SPATA2: variants seen among roughly 807,000 people sequenced by gnomAD.
The protein encoded by SPATA2 is spermatogenesis associated 2, also known as spermatogenesis-associated protein 2.
Under a neutral mutation model 35.4 loss-of-function variants are expected in SPATA2, and 8 were observed. The ratio of observed to expected loss-of-function variants is 0.23; its 90% CI spans 0.13 to 0.41. The LOEUF (loss-of-function observed/expected upper bound fraction) is 0.41, where lower values mean the gene tolerates loss of function less well. SPATA2 is among the 10% of genes least tolerant of loss of function. SPATA2 has a pLI of 1.00. For synonymous variants in SPATA2, 293 were observed against 300.9 expected, an observed-to-expected ratio of 0.97 and a Z score of 0.27; for missense variants, 650 against 698.7, an observed-to-expected ratio of 0.93 and a Z score of 0.79.
chr20:49,908,549 C>G lies in SPATA2; in HGVS notation c.-59G>C, dbSNP rs1193281853. 4 of 1,407,956 alleles carry G rather than the reference C, an allele frequency of 2.8e-6. No individual in the cohort carries two copies. The highest frequency in any genetic ancestry group is 3.9e-6 in the Non-Finnish European group (4 of 1,027,504). The allele number at this position is 1,407,956 out of a possible 1,614,324, so 87.2% of individuals were successfully genotyped here. A position where few individuals can be genotyped will look rare whatever the true frequency, so the allele number is the denominator to read the frequency against. Reference sequence around the variant, plus strand: ...GCTTCTGGATTAGAGGCAGGGACATCACTAAAAGCATGGACATGTTGCCGC... The same window carrying G: ...GCTTCTGGATTAGAGGCAGGGACATGACTAAAAGCATGGACATGTTGCCGC... On this transcript the variant is annotated 5_prime_UTR_variant, in exon 2 of 3. Transcript: ENST00000289431.
In SPATA2 at chr20:49,905,405, C is replaced by A; in HGVS notation, c.*214G>T. On this transcript the variant is annotated 3_prime_UTR_variant, in exon 3 of 3. Transcript: ENST00000289431. ...AAAATGAATCTGAACGGAAGTGCCA[C>A]CTTCTCCCTTGTCAGACAACAAAGC... is the stretch of plus-strand genomic sequence containing the variant. 1 of 581,130 alleles carries A rather than the reference C, an allele frequency of 1.7e-6. No homozygotes were observed. The allele number at this position is 581,130 out of a possible 1,614,324, so 36.0% of individuals were successfully genotyped here.
chr20:49,906,940 G>A lies in SPATA2; in HGVS notation c.337-95C>T, dbSNP rs2090149354. 7.2e-7 allele frequency: 1 copy of A among 1,389,134 alleles called. No homozygotes were observed. The highest frequency in any genetic ancestry group is 9.7e-7 in the Non-Finnish European group (1 of 1,026,396). 86.1% of individuals were successfully genotyped at this position (1,389,134 alleles called of 1,614,324 possible). A position where few individuals can be genotyped will look rare whatever the true frequency, so the allele number is the denominator to read the frequency against. ...AGCAAAGGATGTCCAGCTCTGAAGT[G>A]GGGCGGCGGGGAGAGGGCAGGGCAG... is the stretch of plus-strand genomic sequence containing the variant. On this transcript the variant is annotated intron_variant, in intron 2 of 2. Coordinates refer to ENST00000289431, the MANE Select transcript of SPATA2 (RefSeq NM_006038.4). The surrounding 1 kb of genome is among the most constrained non-coding windows in gnomAD (Gnocchi z 8.2).
Position 49,905,600 on chromosome 20 carries a change from T to C in SPATA2, c.*19A>G. 1.2e-6 allele frequency: 2 copies of C among 1,610,852 alleles called. No individual in the cohort carries two copies. Among genetic ancestry groups the C allele is most frequent in the Middle Eastern group, 1.7e-4 (1 of 6,032 alleles). On this transcript the variant is annotated 3_prime_UTR_variant, in exon 3 of 3. Transcript: ENST00000289431. ...GGTCGGTTGATGTAGCCCTTGGAGC[T>C]GGAAGGGGCGAGGCCGGTCTATCTG...
Position 49,905,269 on chromosome 20 carries a change from C to T in SPATA2, c.*350G>A, listed in dbSNP as rs1038817572. On this transcript the variant is annotated 3_prime_UTR_variant, in exon 3 of 3. Transcript: ENST00000289431. The stretch of plus-strand genomic sequence containing the variant: ...TTTGCAATGGGAGGGGTAGGTGCAG[C>T]GAGGGTCCCAGAGACAGAAATCCTC... 2.4e-5 allele frequency: 6 copies of T among 249,596 alleles called. No individual in the cohort carries two copies. The highest frequency in any genetic ancestry group is 8.2e-5 in the East Asian group (1 of 12,132). 15.5% of individuals were successfully genotyped at this position (249,596 alleles called of 1,614,324 possible). A position where few individuals can be genotyped will look rare whatever the true frequency, so the allele number is the denominator to read the frequency against.
intron 1 of SPATA2, among the ~76,000 whole-genome samples, chr20:49,910,942 C>T (rs1054184147): frequency 2.0e-5 from 3 of 152,210 alleles, no homozygotes; most frequent in East Asian, 1.9e-4. Flanking sequence ...GGGCCAGGTG[C>T]GGGGGCTCAC....
Position 49,906,165 on chromosome 20 carries a change from T to A in SPATA2, c.1017A>T (p.Thr339=). Residue 339 remains threonine, a synonymous_variant, in exon 3 of 3, where the codon ACA becomes ACT. Coordinates refer to ENST00000289431, the MANE Select transcript of SPATA2 (RefSeq NM_006038.4). This position sits in a 1 kb window ranked among gnomAD's most constrained non-coding sequence, Gnocchi z 8.2. The stretch of plus-strand genomic sequence containing the variant: ...GGTAGGTGGCCCTGGGTTCAGAGTC[T>A]GTGTACAGATCCACGTCATCCTGAG... ...FSTQDDVDLY[T]DSEPRATYRR... The A allele has an allele frequency of 6.2e-7, 1 of 1,600,420 alleles. No homozygotes were observed. Among genetic ancestry groups the A allele is most frequent in the Non-Finnish European group, 8.5e-7 (1 of 1,171,906 alleles).
At position 49,906,722 on chromosome 20, in the gene SPATA2, C is replaced by T. The variant is rs745309286; in HGVS notation, c.460G>A (p.Val154Met). The T allele has an allele frequency of 6.2e-6, 10 of 1,614,216 alleles. No individual in the cohort carries two copies. The highest frequency in any genetic ancestry group is 4.4e-5 in the South Asian group (4 of 91,086). Residue 154 changes from valine (V) to methionine (M), a missense_variant, in exon 3 of 3, where the codon GTG (valine) becomes ATG (methionine). Transcript: ENST00000289431. This position sits in a 1 kb window ranked among gnomAD's most constrained non-coding sequence, Gnocchi z 8.2. ...LGTAYKLREL[V>M]ETLQVKMVSF... ...ACCATCTTCACCTGGAGGGTCTCCA[C>T]GAGCTCTCTGAGCTTGTATGCAGTG...
At chr20:49,915,188 C>G (rs1462639951) in intron 1 of SPATA2, among the ~76,000 whole-genome samples, 192 bp downstream of exon 1, 1 of 152,290 alleles carries the variant, frequency 6.6e-6, no homozygotes, top group South Asian at 2.1e-4. Flanking sequence ...TGCGAGGCAG[C>G]TCCCGGGAGA....
At position 49,904,569 on chromosome 20, in the gene SPATA2, C is replaced by G. The variant is rs984542215; in HGVS notation, c.*1050G>C. The G allele has an allele frequency of 2.0e-5, 3 of 152,590 alleles. No individual in the cohort carries two copies. The highest frequency in any genetic ancestry group is 7.2e-5 in the African/African-American group (3 of 41,412). The allele number at this position is 152,590 out of a possible 1,614,324, so 9.5% of individuals were successfully genotyped here. A position where few individuals can be genotyped will look rare whatever the true frequency, so the allele number is the denominator to read the frequency against. ...TCTGCAGACACACAGACCTCGACACCCGCGCTCACCCCCTAAGTGCACACT... is the reference window on the plus strand; with the variant it reads ...TCTGCAGACACACAGACCTCGACACGCGCGCTCACCCCCTAAGTGCACACT... On this transcript the variant is annotated 3_prime_UTR_variant, in exon 3 of 3. Transcript: ENST00000289431.
rs781646876 is a variant in SPATA2, at chr20:49,906,219, C to T, written c.963G>A (p.Pro321=). 15 of 1,570,478 alleles carry T rather than the reference C, an allele frequency of 9.6e-6. No homozygotes were observed. Among genetic ancestry groups the T allele is most frequent in the Non-Finnish European group, 1.2e-5 (14 of 1,156,322 alleles). ...AGAAGTAGGTACCGCGCAGCAGGGC[C>T]GGGCCGTTGCTGGGGGAGGCGGGTG... The part of the protein sequence containing the change: ...VLPPASPSNG[P]ALLRGTYFST... Residue 321 remains proline (P), a synonymous_variant, in exon 3 of 3, where the codon CCG becomes CCA. Coordinates refer to ENST00000289431, the MANE Select transcript of SPATA2 (RefSeq NM_006038.4). This position sits in a 1 kb window ranked among gnomAD's most constrained non-coding sequence, Gnocchi z 8.2.
In SPATA2 at chr20:49,910,175, C is replaced by T. The variant is rs543060852; in HGVS notation, c.-102-1583G>A. Among the ~76,000 whole-genome samples, 6 of 152,326 alleles carry T rather than the reference C, an allele frequency of 3.9e-5. No individual in the cohort carries two copies. In the East Asian group the frequency reaches 9.6e-4, roughly 24 times the overall value. On this transcript the variant is annotated intron_variant, in intron 1 of 2. Coordinates refer to ENST00000289431, the MANE Select transcript of SPATA2 (RefSeq NM_006038.4). The stretch of plus-strand genomic sequence containing the variant: ...CCAGGGGAGACAACACGCGCAGGGT[C>T]ACGGACACGGGGTCCAAGGCCAGGC...
At chr20:49,907,525 G>A (rs1008916002) in intron 2 of SPATA2, among the ~76,000 whole-genome samples, 4 of 152,100 alleles carry the variant, frequency 2.6e-5, no homozygotes, top group African/African-American at 9.7e-5. Flanking sequence ...GTATTTCCAT[G>A]AGGGGCTGAG....
At chr20:49,914,867 A>G (rs2090200793) in intron 1 of SPATA2, among the ~76,000 whole-genome samples, 1 of 152,212 alleles carries the variant, frequency 6.6e-6, no homozygotes, top group South Asian at 2.1e-4. Context: ...TGAATGAAGT[A>G]ACAGGAACTA....
chr20:49,913,657 A>G (rs2146837686), intron 1 of SPATA2: 1 of 152,392 alleles, frequency 6.6e-6, no homozygotes, highest in African/African-American at 2.4e-5. Flanking sequence ...GAGTTGAGTT[A>G]CAAAAATTCC....
Position 49,908,947 on chromosome 20 carries a change from G to A in SPATA2, c.-102-355C>T, listed in dbSNP as rs189327758. On this transcript the variant is annotated intron_variant, in intron 1 of 2. Coordinates refer to ENST00000289431, the MANE Select transcript of SPATA2 (RefSeq NM_006038.4). ...TCTGCCAGGCCAAGAGGCCGGGGAA[G>A]GAGTCGCAGTAGAGGAAGGCCCTGA... 3.1e-4 allele frequency among the ~76,000 whole-genome samples: 47 copies of A among 152,330 alleles called. No individual in the cohort carries two copies. In the East Asian group the frequency reaches 8.5e-3, roughly 28 times the overall value.
chr20:49,912,250 T>C (rs918515248), intron 1 of SPATA2, among the ~76,000 whole-genome samples: 2 of 152,160 alleles, frequency 1.3e-5, no homozygotes, highest in Admixed American at 1.3e-4. Context: ...GATTGGGAGT[T>C]TGAGACTAGC....
chr20:49,909,169 C>T (rs772881960), intron 1 of SPATA2, among the ~76,000 whole-genome samples: 3 of 152,046 alleles, frequency 2.0e-5, no homozygotes, highest in Non-Finnish European at 4.4e-5. Context: ...ATTACAGGCA[C>T]CTGCCACCAC....
At chr20:49,914,597 C>T (rs1410136542) in intron 1 of SPATA2, among the ~76,000 whole-genome samples, 2 of 152,180 alleles carry the variant, frequency 1.3e-5, no homozygotes. Flanking sequence ...GGTCCCCACA[C>T]TCCTACTAGA....
Position 49,903,933 on chromosome 20 carries a change from ATATATATATATATATATATT to A in SPATA2, c.*1666_*1685del, listed in dbSNP as rs2090124136. 4 of 107,042 alleles carry A rather than the reference ATATATATATATATATATATT, an allele frequency of 3.7e-5. No homozygotes were observed. The highest frequency in any genetic ancestry group is 4.1e-4 in the East Asian group (1 of 2,462). 6.6% of individuals were successfully genotyped at this position (107,042 alleles called of 1,614,324 possible). ...TATATATATATATATATATATATATATATATATATATATATATATTAAAAAGAGAGCCATAGAAGATTTGG... is the reference window on the plus strand; with the variant it reads ...TATATATATATATATATATATATATAAAAAAGAGAGCCATAGAAGATTTGG... On this transcript the variant is annotated 3_prime_UTR_variant, in exon 3 of 3. Transcript: ENST00000289431.
Sources: gnomAD v4.1 joint callset for allele counts (sites outside exome capture counted in the v4.1 genomes callset) on GRCh38, gnomAD v4.1.1 for gene constraint, Gnocchi (gnomAD v3.1) non-coding constraint, MANE v1.5 for transcripts, NCBI Gene and HGNC (gene_info 2026-07-23, HGNC 2026-07-21) for gene names.